LPP: variants seen among roughly 807,000 people sequenced by gnomAD.
LPP encodes LIM domain containing preferred translocation partner in lipoma.
In LPP, 38 loss-of-function variants were observed where a neutral mutation model predicts 60.4. The ratio of observed to expected loss-of-function variants is 0.63; its 90% CI spans 0.49 to 0.83. The LOEUF (loss-of-function observed/expected upper bound fraction) is 0.83, where lower values mean the gene tolerates loss of function less well. Among genes scored for constraint, LPP ranks in the 40% least tolerant of loss-of-function variants. LPP has a pLI of 0.00. For missense variants in LPP, 902 were observed against 783.6 expected, an observed-to-expected ratio of 1.15 and a Z score of -1.80; for synonymous variants, 328 against 290.8, an observed-to-expected ratio of 1.13 and a Z score of -1.30.
At chr3:188,229,766 C>T (rs1186802907) in intron 2 of LPP, among the ~76,000 whole-genome samples, 1 of 152,222 alleles carries the variant, frequency 6.6e-6, no homozygotes, top group Non-Finnish European at 1.5e-5. Flanking sequence ...TTCTTGGCTT[C>T]TGGCACAGTG....
chr3:188,710,329 G>C (rs1364043042), intron 8 of LPP: 3 of 152,108 alleles, frequency 2.0e-5, no homozygotes, highest in Non-Finnish European at 4.4e-5. Flanking sequence ...TCTCTTCTCT[G>C]TCCCTCGCTG....
chr3:188,358,400 G>A (rs754539583), intron 3 of LPP, among the ~76,000 whole-genome samples: 4 of 152,188 alleles, frequency 2.6e-5, no homozygotes, highest in Non-Finnish European at 5.9e-5. Flanking sequence ...TAGGGAAGAA[G>A]TATATCAACT....
At chr3:188,465,493 C>A (rs1800157062) in intron 4 of LPP, among the ~76,000 whole-genome samples, 1 of 152,120 alleles carries the variant, frequency 6.6e-6, no homozygotes, top group Admixed American at 6.6e-5. Flanking sequence ...AGCCTAAGTA[C>A]CATAAAATAT....
intron 2 of LPP, among the ~76,000 whole-genome samples, chr3:188,240,374 TGTGA>T (rs1240346303): frequency 3.7e-5 from 5 of 136,394 alleles, no homozygotes; most frequent in Middle Eastern, 7.1e-3. Context: ...TGTGTGTGTG[TGTGA>T]GAGAGAGACA....
At chr3:188,584,035 G>T (rs908572385) in intron 6 of LPP, among the ~76,000 whole-genome samples, 2 of 152,128 alleles carry the variant, frequency 1.3e-5, no homozygotes, top group Admixed American at 6.6e-5. Context: ...ATGTACTATA[G>T]ATATGTGTAA....
intron 4 of LPP, among the ~76,000 whole-genome samples, chr3:188,479,550 G>A (rs1290556821): frequency 2.6e-5 from 4 of 152,170 alleles, no homozygotes; most frequent in East Asian, 1.9e-4. Flanking sequence ...TCAGTCATGC[G>A]ACCTACAGTT....
intron 4 of LPP, among the ~76,000 whole-genome samples, chr3:188,416,450 A>C (rs1359980312): frequency 2.0e-5 from 3 of 152,218 alleles, no homozygotes; most frequent in Non-Finnish European, 4.4e-5. Context: ...GGGAATTGTG[A>C]TTGATGCTCA....
intron 9 of LPP, among the ~76,000 whole-genome samples, chr3:188,814,206 AGGTC>A (rs1751862674): frequency 6.6e-6 from 1 of 152,148 alleles, no homozygotes; most frequent in African/African-American, 2.4e-5. Context: ...TTTAGTTAGG[AGGTC>A]AACTGGTCTA....
intron 8 of LPP, among the ~76,000 whole-genome samples, chr3:188,750,116 G>C (rs79202297): frequency 6.6e-6 from 1 of 152,160 alleles, no homozygotes; most frequent in Admixed American, 6.5e-5. Context: ...GCAGACAGTG[G>C]AAGAGCAAGC....
chr3:188,188,553 T>A (rs983849823), intron 1 of LPP, among the ~76,000 whole-genome samples: 6 of 152,300 alleles, frequency 3.9e-5, no homozygotes, highest in African/African-American at 1.4e-4. Flanking sequence ...TTCACTGGAA[T>A]TGTTTCTCGG....
intron 2 of LPP, among the ~76,000 whole-genome samples, chr3:188,272,674 T>G (rs2149807716): frequency 6.6e-6 from 1 of 152,306 alleles, no homozygotes; most frequent in Admixed American, 6.5e-5. Context: ...TGTGATAGAC[T>G]CTACAAATAG....
intron 8 of LPP, among the ~76,000 whole-genome samples, chr3:188,714,676 G>A (rs376183398): frequency 4.6e-5 from 7 of 151,788 alleles, no homozygotes; most frequent in Admixed American, 6.6e-5. Context: ...TGTGACTGTC[G>A]CATTACAGTA....
chr3:188,270,174 T>G (rs1737225427), intron 2 of LPP, among the ~76,000 whole-genome samples: 1 of 152,148 alleles, frequency 6.6e-6, no homozygotes, highest in Admixed American at 6.5e-5. Flanking sequence ...AAAAGTATTC[T>G]GCATCTTTGA....
chr3:188,395,363 G>A (rs1459768298), intron 3 of LPP, among the ~76,000 whole-genome samples: 1 of 151,946 alleles, frequency 6.6e-6, no homozygotes. Context: ...GGATTAGAGA[G>A]GCGAGCCACC....
rs768523484 is a variant in LPP, at chr3:188,888,689, G to A, written c.*14210G>A. ...GTATGTACACACGGTACCCAGAGTC[G>A]TACTGTGCAGCCTTCAAAAACATAC... On this transcript the variant is annotated 3_prime_UTR_variant, in exon 12 of 12. Coordinates refer to ENST00000617246, the MANE Select transcript of LPP (RefSeq NM_001375462.1). The A allele has an allele frequency of 2.3e-5, 5 of 220,370 alleles. No homozygotes were observed. Among genetic ancestry groups the A allele is most frequent in the Admixed American group, 5.8e-5 (1 of 17,328 alleles). 13.7% of individuals were successfully genotyped at this position (220,370 alleles called of 1,614,324 possible).
rs374025722 is a variant in LPP at position 188,230,699 on chromosome 3, G to A, written c.-67+5172G>A. On this transcript the variant is annotated intron_variant, in intron 2 of 11. Transcript: ENST00000617246. The stretch of plus-strand genomic sequence containing the variant: ...GAGGCAGGAGAATTGCTTGAACCCA[G>A]GAGGCGGAGGTTGCGGTGAGCCGAG... Among the ~76,000 whole-genome samples, 156 of 151,830 alleles carry A rather than the reference G, an allele frequency of 1.0e-3. 2 individuals are homozygous for A. The highest frequency in any genetic ancestry group is 7.1e-3 in the Admixed American group (108 of 15,260).
intron 7 of LPP, among the ~76,000 whole-genome samples, chr3:188,620,054 A>AT (rs1341930773): frequency 1.1e-4 from 16 of 152,056 alleles, no homozygotes; most frequent in Non-Finnish European, 2.4e-4. Context: ...TTCTCATAGC[A>AT]TTTTTTCATT....
At chr3:188,378,496 T>G (rs1187871629) in intron 3 of LPP, among the ~76,000 whole-genome samples, 1 of 152,336 alleles carries the variant, frequency 6.6e-6, no homozygotes, top group East Asian at 1.9e-4. Flanking sequence ...CTCCATGGGC[T>G]TAGGACCCTC....
intron 2 of LPP, among the ~76,000 whole-genome samples, chr3:188,323,236 C>T (rs766036947): frequency 3.9e-5 from 6 of 152,212 alleles, no homozygotes; most frequent in Non-Finnish European, 7.3e-5. Context: ...TTTCTGAAGA[C>T]AGTCCCCTTT....
Sources: gnomAD v4.1 joint callset for allele counts (sites outside exome capture counted in the v4.1 genomes callset) on GRCh38, gnomAD v4.1.1 for gene constraint, MANE v1.5 for transcripts, NCBI Gene and HGNC (gene_info 2026-07-23, HGNC 2026-07-21) for gene names.